The following INPP5B variants were observed in gnomAD, a reference collection of about 807,000 sequenced individuals.
The protein encoded by INPP5B is inositol polyphosphate-5-phosphatase B.
In INPP5B, 90 loss-of-function variants were observed where a neutral mutation model predicts 118.5. The ratio of observed to expected loss-of-function variants is 0.76; its 90% CI spans 0.64 to 0.90. INPP5B has a LOEUF of 0.90. Among genes scored for constraint, INPP5B ranks in the 40% least tolerant of loss-of-function variants. INPP5B has a pLI of 0.00. For missense variants in INPP5B, 984 were observed against 1,125.6 expected, an observed-to-expected ratio of 0.87 and a Z score of 1.80; for synonymous variants, 385 against 418.9, an observed-to-expected ratio of 0.92 and a Z score of 0.99.
intron 7 of INPP5B, chr1:37,930,269 T>A (rs1645400604): frequency 6.6e-6 from 1 of 152,206 alleles, no homozygotes. Flanking sequence ...GTAACAATAA[T>A]TCCTCACCAG....
At chr1:37,919,583 C>G (rs1053440751) in intron 7 of INPP5B, among the ~76,000 whole-genome samples, 2 of 152,108 alleles carry the variant, frequency 1.3e-5, no homozygotes, top group African/African-American at 4.8e-5. Context: ...ACCTAGAATA[C>G]AAGTCAGGCT....
intron 19 of INPP5B, among the ~76,000 whole-genome samples, chr1:37,868,847 T>C (rs1642217080): frequency 6.6e-6 from 1 of 152,194 alleles, no homozygotes; most frequent in African/African-American, 2.4e-5. Context: ...ATATGCACCA[T>C]CTTTTCAGGA....
At chr1:37,919,158 A>C (rs1644970802) in intron 7 of INPP5B, among the ~76,000 whole-genome samples, 1 of 152,172 alleles carries the variant, frequency 6.6e-6, no homozygotes, top group African/African-American at 2.4e-5. Context: ...ATGTGAATAG[A>C]AGGTTTAAAT....
intron 7 of INPP5B, among the ~76,000 whole-genome samples, chr1:37,922,361 C>G (rs180688415): frequency 6.6e-6 from 1 of 151,852 alleles, no homozygotes; most frequent in Non-Finnish European, 1.5e-5. Context: ...TGCACTCCAG[C>G]CTGGGTGACA....
intron 7 of INPP5B, chr1:37,931,331 G>A (rs1046141510): frequency 3.9e-5 from 38 of 967,428 alleles, no homozygotes; most frequent in Non-Finnish European, 4.0e-5. Flanking sequence ...GACAAACTCG[G>A]AAGATCAGGA....
chr1:37,899,511 G>A (rs1383640981), intron 7 of INPP5B, among the ~76,000 whole-genome samples: 11 of 151,876 alleles, frequency 7.2e-5, no homozygotes, highest in Non-Finnish European at 1.5e-4. Context: ...GCGGTGAGCC[G>A]AGATCGCACC....
Position 37,865,830 on chromosome 1 carries a change from C to T in INPP5B, c.2445G>A (p.Glu815=). The T allele has an allele frequency of 3.1e-6, 5 of 1,613,826 alleles. No homozygotes were observed. The highest frequency in any genetic ancestry group is 4.2e-6 in the Non-Finnish European group (5 of 1,179,810). ...GGTAGGTGCTGTAACAGATGACAGG[C>T]TCTGGAAGGCTCTCCAGGAAAAGCA... ...ALLLFLESLP[E]PVICYSTYHN... The change falls in exon 22 of 24, where the codon GAG becomes GAA. Residue 815 remains glutamate (E), a synonymous_variant. Transcript: ENST00000373024.
At chr1:37,934,925 C>T (rs571433787) in intron 6 of INPP5B, among the ~76,000 whole-genome samples, 1 of 151,332 alleles carries the variant, frequency 6.6e-6, no homozygotes, top group African/African-American at 2.4e-5. Context: ...CTTGGCCGGG[C>T]GCAGTGGCTC....
rs746287516 is a variant in INPP5B at position 37,891,354 on chromosome 1, T to C, written c.629+4A>G. On this transcript the variant is annotated splice_donor_region_variant and intron_variant, in intron 8 of 23. Transcript: ENST00000373024. ...AGGGACAAGTGAAGGGAGAGTTGCA[T>C]TACCTTGGTTGCAAGCTTTCTGGTT... 7.5e-6 allele frequency: 12 copies of C among 1,610,034 alleles called. No homozygotes were observed. The South Asian group carries it at 1.3e-4, about 18-fold the overall frequency.
rs1416841657 is a variant in INPP5B, at chr1:37,874,080, G to A, written c.1864C>T (p.His622Tyr). The change falls in exon 18 of 24, where the codon CAT becomes TAT. Residue 622 changes from histidine (H) to tyrosine (Y), a missense_variant. His to Tyr is a moderately conservative substitution (Grantham distance 83). Around this residue, in one of 2 missense-constraint regions of INPP5B, gnomAD observed 634 missense variants for 791.0 expected, o/e 0.80. Transcript: ENST00000373024. ...TCAGGCTTGTTGATGAATTCAAAAT[G>A]ACAGGGTACTTGTCCATTATGAATT... is the stretch of plus-strand genomic sequence containing the variant. ...FTIHNGQVPCHFEFINKPDEE... is the reference protein window; with the variant it reads ...FTIHNGQVPCYFEFINKPDEE... 1.2e-6 allele frequency: 2 copies of A among 1,608,134 alleles called. No individual in the cohort carries two copies. The highest frequency in any genetic ancestry group is 3.3e-5 in the Admixed American group (2 of 59,934).
chr1:37,906,306 G>C (rs1029826144), intron 7 of INPP5B, among the ~76,000 whole-genome samples: 3 of 152,186 alleles, frequency 2.0e-5, no homozygotes, highest in Non-Finnish European at 1.5e-5. Context: ...CAAGAGGAGA[G>C]AAATTTACCC....
At chr1:37,894,286 T>G (rs1643935342) in intron 7 of INPP5B, among the ~76,000 whole-genome samples, 1 of 152,214 alleles carries the variant, frequency 6.6e-6, no homozygotes, top group Non-Finnish European at 1.5e-5. Flanking sequence ...AGAAGACTTC[T>G]CTAACCTCTC....
chr1:37,887,962 A>C (rs1191679248), intron 10 of INPP5B, among the ~76,000 whole-genome samples: 1 of 152,218 alleles, frequency 6.6e-6, no homozygotes, highest in Non-Finnish European at 1.5e-5. Context: ...TTGAATGTCC[A>C]AGCAATAAAG....
In INPP5B at chr1:37,885,666, G is replaced by C. The variant is rs1437037829; in HGVS notation, c.1291C>G (p.Leu431Val). The C allele has an allele frequency of 6.2e-7, 1 of 1,613,864 alleles. No homozygotes were observed. Among genetic ancestry groups the C allele is most frequent in the East Asian group, 2.2e-5 (1 of 44,888 alleles). ...RMQFCQPDPS[L>V]PPLTISNHDV... is the part of the protein sequence containing the mutation. Reference sequence around the variant, plus strand: ...TGGTTGCTGATGGTGAGAGGGGGAAGGCTTGGGTCAGGCTGACAAAACTGC... The same window carrying C: ...TGGTTGCTGATGGTGAGAGGGGGAACGCTTGGGTCAGGCTGACAAAACTGC... Residue 431 changes from leucine (L) to valine (V), a missense_variant, in exon 13 of 24, where the codon CTT becomes GTT. Physicochemically the swap from Leu to Val is conservative, Grantham distance 32. Coordinates refer to ENST00000373024, the MANE Select transcript of INPP5B (RefSeq NM_005540.3).
chr1:37,926,705 T>C (rs898453576), intron 7 of INPP5B, among the ~76,000 whole-genome samples: 1 of 152,162 alleles, frequency 6.6e-6, no homozygotes, highest in Admixed American at 6.5e-5. Context: ...TCCTTTTTAG[T>C]GCATAGTTCA....
rs368327131 is a variant in INPP5B, at chr1:37,917,308, TTATATATATATATATATA to T, written c.532+14587_532+14604del. Among the ~76,000 whole-genome samples the T allele has an allele frequency of 2.0e-4, 19 of 92,804 alleles. 1 individual carries two copies. In the South Asian group the frequency reaches 2.8e-3, roughly 14 times the overall value. The allele number at this position is 92,804 out of a possible 152,430, so 60.9% of individuals were successfully genotyped here. ...CGTCTCGGGGGAAAAAAAAAAATAA[TTATATATATATATATATA>T]TATATATATATATTTGAGAAAGGGT... On this transcript the variant is annotated intron_variant, in intron 7 of 23. Transcript: ENST00000373024.
chr1:37,880,887 C>A (rs750781965), intron 14 of INPP5B, among the ~76,000 whole-genome samples: 11 of 152,244 alleles, frequency 7.2e-5, no homozygotes, highest in Middle Eastern at 3.4e-3. Context: ...CACCACACAG[C>A]TATATTTAAA....
At chr1:37,932,363 CTTTTTTTT>C (rs58150703) in intron 6 of INPP5B, among the ~76,000 whole-genome samples, 4 of 87,808 alleles carry the variant, frequency 4.6e-5, no homozygotes, top group South Asian at 3.9e-4. Flanking sequence ...CTTTTCTTTT[CTTTTTTTT>C]TTTTTTTTTT....
At chr1:37,903,621 G>A (rs1644406474) in intron 7 of INPP5B, among the ~76,000 whole-genome samples, 1 of 152,260 alleles carries the variant, frequency 6.6e-6, no homozygotes, top group East Asian at 1.9e-4. Flanking sequence ...CAGCTACTTG[G>A]GAGGCTGAGG....
Sources: allele counts gnomAD v4.1 joint callset (sites outside exome capture counted in the v4.1 genomes callset), GRCh38; gene constraint gnomAD v4.1.1; regional missense constraint gnomAD v4.1.1; transcripts MANE v1.5; gene names NCBI Gene and HGNC (gene_info 2026-07-23, HGNC 2026-07-21).